TUT4: variants seen among roughly 807,000 people sequenced by gnomAD.
TUT4 encodes terminal uridylyl transferase 4.
A neutral mutation model predicts 192.2 loss-of-function variants in TUT4; 36 were observed. The observed-to-expected ratio is 0.19, with a 90% CI of 0.14 to 0.25. TUT4 has a LOEUF of 0.25. Among genes scored for constraint, TUT4 ranks in the 10% least tolerant of loss-of-function variants. The pLI is 1.00. For synonymous variants in TUT4, 618 were observed against 666.0 expected (o/e 0.93, Z 1.11); for missense variants, 1,493 against 1,957.2 (o/e 0.76, Z 4.47).
At chr1:52,539,706 G>C (rs1205324982) in intron 1 of TUT4, among the ~76,000 whole-genome samples, 1 of 151,562 alleles carries the variant, frequency 6.6e-6, no homozygotes, top group African/African-American at 2.4e-5. Context: ...GTCAGAGTTT[G>C]AGACTAGCCT....
intron 24 of TUT4, among the ~76,000 whole-genome samples, chr1:52,440,279 A>G (rs998814579): frequency 1.3e-5 from 2 of 152,116 alleles, no homozygotes; most frequent in African/African-American, 4.8e-5. Context: ...CTCTATTCCA[A>G]TGAAGCTGTT....
rs566721695 is a variant in TUT4 at position 52,497,736 on chromosome 1, C to T, written c.1000-553G>A. Among the ~76,000 whole-genome samples, 58 of 152,256 alleles carry T rather than the reference C, an allele frequency of 3.8e-4. 1 individual carries two copies. In the South Asian group the frequency reaches 0.011, roughly 29 times the overall value. Reference sequence around the variant, plus strand: ...AAAAAGACACTTTGCTATATATATGCAATGACTTTTATTAATTATTTTCTG... The same window carrying T: ...AAAAAGACACTTTGCTATATATATGTAATGACTTTTATTAATTATTTTCTG... On this transcript the variant is annotated intron_variant, in intron 4 of 29. Transcript: ENST00000257177.
At chr1:52,553,249 G>C (rs911488813), upstream of TUT4, 13 of 152,686 alleles carry the variant, frequency 8.5e-5, no homozygotes, top group African/African-American at 3.2e-4. Flanking sequence ...CCTGGCCCGG[G>C]AGAGGAGGAG....
At chr1:52,553,204 A>T (rs1689940244), upstream of TUT4, 1 of 129,280 alleles carries the variant, frequency 7.7e-6, no homozygotes, top group African/African-American at 2.9e-5. Context: ...GCCGGGGGAG[A>T]GGGGGAGGGG....
At chr1:52,490,150 CTTTTTTTTTTTTTT>C (rs34451806) in intron 8 of TUT4, among the ~76,000 whole-genome samples, 1 of 120,380 alleles carries the variant, frequency 8.3e-6, no homozygotes, top group South Asian at 2.8e-4. Context: ...AGAAGAGAGG[CTTTTTTTTTTTTTT>C]TTTTGAGACA....
At chr1:52,503,252 T>C (rs142522700) in intron 4 of TUT4, among the ~76,000 whole-genome samples, 60 of 152,146 alleles carry the variant, frequency 3.9e-4, no homozygotes, top group South Asian at 2.9e-3. Flanking sequence ...TGTGCTAAGA[T>C]GGGAAAAAAA....
At chr1:52,532,009 T>G (rs1683587121) in intron 1 of TUT4, among the ~76,000 whole-genome samples, 1 of 143,988 alleles carries the variant, frequency 6.9e-6, no homozygotes, top group Non-Finnish European at 1.5e-5. Flanking sequence ...TGCCTCAGCC[T>G]CCTGAGTAGC....
intron 12 of TUT4, 68 bp downstream of exon 12, chr1:52,477,640 A>G: frequency 7.0e-7 from 1 of 1,428,128 alleles, no homozygotes; most frequent in Non-Finnish European, 9.5e-7. Flanking sequence ...AGGATTATTA[A>G]CACTGAATTA....
chr1:52,553,234 G>C (rs1689946858), upstream of TUT4: 1 of 152,534 alleles, frequency 6.6e-6, no homozygotes, highest in Non-Finnish European at 1.5e-5. Flanking sequence ...AGCCTGTAAT[G>C]GGGTCCTGGC....
intron 29 of TUT4, chr1:52,424,827 A>G (rs1649281261): frequency 6.6e-6 from 1 of 151,918 alleles, no homozygotes; most frequent in African/African-American, 2.4e-5. Flanking sequence ...CCAAGTCCAA[A>G]CTCCATAATA....
intron 13 of TUT4, among the ~76,000 whole-genome samples, chr1:52,473,391 C>CTTAAATT (rs1343636636): frequency 1.3e-5 from 2 of 152,000 alleles, no homozygotes; most frequent in Non-Finnish European, 2.9e-5. Flanking sequence ...GTATTATATT[C>CTTAAATT]TTAAATTTGC....
chr1:52,476,553 A>C (rs998837898), intron 12 of TUT4, among the ~76,000 whole-genome samples: 48 of 152,320 alleles, frequency 3.2e-4, no homozygotes, highest in African/African-American at 1.2e-3. Context: ...CAAACTGTTA[A>C]AGTTGGGGCA....
At chr1:52,489,694 A>C (rs1418256551) in intron 8 of TUT4, among the ~76,000 whole-genome samples, 1 of 152,210 alleles carries the variant, frequency 6.6e-6, no homozygotes, top group Non-Finnish European at 1.5e-5. Context: ...AATTTAACAC[A>C]ATGTGGCAGA....
At chr1:52,453,105 C>A (rs912417211) in intron 20 of TUT4, among the ~76,000 whole-genome samples, 5 of 152,042 alleles carry the variant, frequency 3.3e-5, no homozygotes, top group Admixed American at 6.6e-5. Flanking sequence ...ATTTTGGGGG[C>A]TGGGCGTGGG....
rs1667455313 is a variant in TUT4 at position 52,477,690 on chromosome 1, T to C, written c.2023+18A>G. ...CATAAAAAATATTCTCCAAATGAAA[T>C]ACAACATATCATCTCACCTTCAATG... On this transcript the variant is annotated intron_variant, in intron 12 of 29. Transcript: ENST00000257177. The C allele has an allele frequency of 1.9e-6, 3 of 1,593,006 alleles. No homozygotes were observed. The highest frequency in any genetic ancestry group is 2.2e-5 in the East Asian group (1 of 44,690).
At position 52,446,457 on chromosome 1, in the gene TUT4, A is replaced by G; in HGVS notation, c.3514-15T>C. On this transcript the variant is annotated splice_polypyrimidine_tract_variant and intron_variant, in intron 21 of 29. Transcript: ENST00000257177. ...AAACGCTTTTTCTACATATAAAAAA[A>G]AAAAGAAAAGAACAATGTCTATACA... 6.3e-7 allele frequency: 1 copy of G among 1,577,560 alleles called. No homozygotes were observed. The highest frequency in any genetic ancestry group is 1.4e-5 in the African/African-American group (1 of 72,504).
intron 1 of TUT4, among the ~76,000 whole-genome samples, chr1:52,542,909 C>T (rs894954136): frequency 2.0e-5 from 3 of 152,064 alleles, no homozygotes; most frequent in African/African-American, 7.2e-5. Context: ...TTACAGGCCA[C>T]TATGCCCAGC....
intron 7 of TUT4, among the ~76,000 whole-genome samples, chr1:52,493,373 G>A (rs1253325023): frequency 6.6e-6 from 1 of 151,796 alleles, no homozygotes; most frequent in Non-Finnish European, 1.5e-5. Flanking sequence ...GTGAGCCACG[G>A]TGCCCAGCCT....
chr1:52,541,994 T>C (rs1242389655), intron 1 of TUT4, among the ~76,000 whole-genome samples: 1 of 152,166 alleles, frequency 6.6e-6, no homozygotes, highest in Non-Finnish European at 1.5e-5. Context: ...GACATATATA[T>C]AATGAACTAC....
Sources: allele counts gnomAD v4.1 joint callset (sites outside exome capture counted in the v4.1 genomes callset), GRCh38; gene constraint gnomAD v4.1.1; transcripts MANE v1.5; gene names NCBI Gene and HGNC (gene_info 2026-07-23, HGNC 2026-07-21).